The following ATP8A2 variants were observed in gnomAD, a reference collection of about 807,000 sequenced individuals.
The protein encoded by ATP8A2 is ATPase phospholipid transporting 8A2.
Under a neutral mutation model 165.6 loss-of-function variants are expected in ATP8A2, and 100 were observed. That is an observed-to-expected ratio of 0.60 (90% CI 0.51 to 0.71). The LOEUF is 0.71. Among genes scored for constraint, ATP8A2 ranks in the 30% least tolerant of loss-of-function variants. The pLI is 0.00. For missense variants in ATP8A2, 1,227 were observed against 1,479.5 expected, an observed-to-expected ratio of 0.83 and a Z score of 2.80; for synonymous variants, 543 against 548.8, an observed-to-expected ratio of 0.99 and a Z score of 0.15.
chr13:25,982,999 G>A (rs1232183323), intron 35 of ATP8A2, among the ~76,000 whole-genome samples: 1 of 152,072 alleles, frequency 6.6e-6, no homozygotes, highest in African/African-American at 2.4e-5. Flanking sequence ...TTGTGTCAAT[G>A]CATTATTCTT....
At chr13:25,872,817 T>G (rs894357824) in intron 33 of ATP8A2, among the ~76,000 whole-genome samples, 3 of 152,136 alleles carry the variant, frequency 2.0e-5, no homozygotes, top group African/African-American at 4.8e-5. Flanking sequence ...ATTGATATAT[T>G]TTATTTAGCT....
intron 1 of ATP8A2, among the ~76,000 whole-genome samples, chr13:25,410,047 A>G (rs1043659931): frequency 6.6e-6 from 1 of 150,484 alleles, no homozygotes; most frequent in Non-Finnish European, 1.5e-5. Flanking sequence ...GGGTTCAGCC[A>G]TTAGGAGAAT....
Position 25,550,679 on chromosome 13 carries a change from T to C in ATP8A2, c.892-659T>C, listed in dbSNP as rs1019252331. Reference sequence around the variant, plus strand: ...TTCCGTTTCTCCTTTGCTGTCTACATCATTCAGGATGCCACTCAGCTTTCT... The same window carrying C: ...TTCCGTTTCTCCTTTGCTGTCTACACCATTCAGGATGCCACTCAGCTTTCT... On this transcript the variant is annotated intron_variant, in intron 10 of 36. Transcript: ENST00000381655. Among the ~76,000 whole-genome samples, 29 of 152,212 alleles carry C rather than the reference T, an allele frequency of 1.9e-4. 1 individual carries two copies. The highest frequency in any genetic ancestry group is 6.8e-4 in the African/African-American group (28 of 41,458).
chr13:25,399,342 G>GCA (rs1448544172), intron 1 of ATP8A2, among the ~76,000 whole-genome samples: 1 of 150,376 alleles, frequency 6.6e-6, no homozygotes, highest in East Asian at 2.0e-4. Context: ...CTGGTCTGTG[G>GCA]CACACTCTGA....
At chr13:25,571,523 G>A (rs2039467647) in intron 17 of ATP8A2, 87 bp from the exon 18 acceptor site, 19 of 955,228 alleles carry the variant, frequency 2.0e-5, no homozygotes, top group South Asian at 5.8e-5. Flanking sequence ...TCAGTAGAGC[G>A]GATTTTGTTA....
chr13:25,794,075 G>A (rs1223925173), intron 27 of ATP8A2, among the ~76,000 whole-genome samples: 1 of 152,178 alleles, frequency 6.6e-6, no homozygotes, highest in Non-Finnish European at 1.5e-5. Flanking sequence ...TGGTTGGTTT[G>A]TTTTTGAGAT....
intron 27 of ATP8A2, among the ~76,000 whole-genome samples, chr13:25,813,056 G>A (rs1015006194): frequency 1.3e-5 from 2 of 152,008 alleles, no homozygotes; most frequent in African/African-American, 4.8e-5. Flanking sequence ...ACACACTGGG[G>A]CCTGTGGGGG....
At chr13:25,375,231 C>T (rs141283652) in intron 1 of ATP8A2, among the ~76,000 whole-genome samples, 46 of 152,260 alleles carry the variant, frequency 3.0e-4, no homozygotes, top group African/African-American at 9.9e-4. Flanking sequence ...TCTATGTGCC[C>T]GGCATGGTTC....
At position 25,469,045 on chromosome 13, in the gene ATP8A2, G is replaced by T. The variant is rs864309608; in HGVS notation, c.145G>T (p.Asp49Tyr). The part of the protein sequence containing the change: ...DEMSRATSVG[D>Y]QLEAPARTIY... ...GATGTCCCGGGCCACGTCTGTTGGA[G>T]ACCAGCTGGAGGCACCCGCCCGCAC... The change falls in exon 2 of 37, where the codon GAC becomes TAC. Residue 49 changes from aspartate to tyrosine, a missense_variant. This residue lies in a region of ATP8A2 where 356 missense variants were observed against 394.9 expected (regional missense o/e 0.90). Coordinates refer to ENST00000381655, the MANE Select transcript of ATP8A2 (RefSeq NM_016529.6). 51 of 1,614,058 alleles carry T rather than the reference G, an allele frequency of 3.2e-5. 2 individuals are homozygous for T. In the Middle Eastern group the frequency reaches 5.6e-3, roughly 178 times the overall value.
chr13:25,991,596 C>T (rs1446055093), intron 35 of ATP8A2, among the ~76,000 whole-genome samples: 7 of 152,222 alleles, frequency 4.6e-5, no homozygotes, highest in African/African-American at 1.2e-4. Context: ...AATCTTATAA[C>T]GTGTAACCTT....
chr13:25,986,389 A>G (rs570517281), intron 35 of ATP8A2, among the ~76,000 whole-genome samples: 1 of 152,306 alleles, frequency 6.6e-6, no homozygotes, highest in African/African-American at 2.4e-5. Flanking sequence ...ACCCCGGGTA[A>G]CCACCCTTCT....
chr13:26,013,755 G>C (rs886742345), intron 36 of ATP8A2, among the ~76,000 whole-genome samples: 2 of 152,168 alleles, frequency 1.3e-5, no homozygotes. Flanking sequence ...AGGCAGTGAA[G>C]GATCTGTGTT....
chr13:25,399,495 T>C (rs1268334262), intron 1 of ATP8A2, among the ~76,000 whole-genome samples: 6 of 122,914 alleles, frequency 4.9e-5, no homozygotes, highest in African/African-American at 1.8e-4. Context: ...GCCTCCTGGG[T>C]TCACGCCATT....
intron 1 of ATP8A2, among the ~76,000 whole-genome samples, chr13:25,425,374 T>G (rs1483208712): frequency 6.6e-6 from 1 of 152,016 alleles, no homozygotes; most frequent in African/African-American, 2.4e-5. Flanking sequence ...AAACATCAGC[T>G]TCTAGTACTG....
chr13:25,525,981 A>G (rs1044982573), intron 2 of ATP8A2, among the ~76,000 whole-genome samples: 5 of 151,726 alleles, frequency 3.3e-5, no homozygotes, highest in African/African-American at 1.2e-4. Context: ...CTTGTTGACA[A>G]TCTTTGTTCC....
chr13:25,884,810 C>G (rs1357156631), intron 33 of ATP8A2, among the ~76,000 whole-genome samples: 1 of 152,236 alleles, frequency 6.6e-6, no homozygotes, highest in Non-Finnish European at 1.5e-5. Context: ...TCTCCTGCCC[C>G]ACTCAGGCAC....
chr13:25,430,342 G>A (rs959426861), intron 1 of ATP8A2, among the ~76,000 whole-genome samples: 3 of 152,216 alleles, frequency 2.0e-5, no homozygotes, highest in Admixed American at 1.3e-4. Context: ...AACAACCACA[G>A]TGTGAATTCC....
intron 33 of ATP8A2, among the ~76,000 whole-genome samples, chr13:25,872,655 G>T (rs998178124): frequency 1.3e-5 from 2 of 152,166 alleles, no homozygotes; most frequent in Admixed American, 1.3e-4. Flanking sequence ...TTTTCTAAGC[G>T]AGGCCTCTTT....
intron 27 of ATP8A2, among the ~76,000 whole-genome samples, chr13:25,813,157 C>T (rs1201934873): frequency 6.6e-6 from 1 of 151,924 alleles, no homozygotes; most frequent in South Asian, 2.1e-4. Context: ...ACCACCATAG[C>T]ACATGTTTAC....
Sources: gnomAD v4.1 joint callset for allele counts (sites outside exome capture counted in the v4.1 genomes callset) on GRCh38, gnomAD v4.1.1 for gene constraint, gnomAD v4.1.1 regional missense constraint, MANE v1.5 for transcripts, NCBI Gene and HGNC (gene_info 2026-07-23, HGNC 2026-07-21) for gene names.